The following PUDP variants were observed in gnomAD, a reference collection of about 807,000 sequenced individuals.
PUDP encodes the protein pseudouridine 5'-phosphatase.
A neutral mutation model predicts 9.4 loss-of-function variants in PUDP; 8 were observed. The ratio of observed to expected loss-of-function variants is 0.85; its 90% CI spans 0.50 to 1.53. The LOEUF (loss-of-function observed/expected upper bound fraction) is 1.53, where lower values mean the gene tolerates loss of function less well. Among genes scored for constraint, PUDP ranks in the 40% most tolerant of loss-of-function variants. The pLI is 0.00. For missense variants in PUDP, 188 were observed against 189.7 expected (o/e 0.99, Z 0.05); for synonymous variants, 99 against 80.7 (o/e 1.23, Z -1.22).
intron 1 of PUDP, among the ~76,000 whole-genome samples, chrX:6,985,949 G>C (rs753628831): frequency 2.6e-4 from 29 of 111,835 alleles, no homozygotes; most frequent in Non-Finnish European, 5.1e-4. Context: ...CCTTGCTGAT[G>C]CAACAGGTTG....
intron 2 of PUDP, among the ~76,000 whole-genome samples, chrX:7,078,904 G>T (rs1364620424): frequency 9.0e-6 from 1 of 111,712 alleles, no homozygotes; most frequent in Non-Finnish European, 1.9e-5. Context: ...TTACCATGCT[G>T]CAAAGAAGCA....
At chrX:6,752,075 G>C (rs1417575761) in intron 3 of PUDP, among the ~76,000 whole-genome samples, 1 of 111,052 alleles carries the variant, frequency 9.0e-6, no homozygotes. Flanking sequence ...GTTTCCCCAA[G>C]GGACCTCCCA....
chrX:6,924,179 T>C (rs1928066547), intron 3 of PUDP, among the ~76,000 whole-genome samples: 1 of 111,838 alleles, frequency 8.9e-6, no homozygotes. Context: ...CTATCTAACA[T>C]GCTGTATCTT....
At chrX:6,880,458 A>G (rs1482013948) in intron 3 of PUDP, among the ~76,000 whole-genome samples, 1 of 112,093 alleles carries the variant, frequency 8.9e-6, no homozygotes, top group East Asian at 2.8e-4. Context: ...TATCCAGCCC[A>G]GAATTTAAGA....
At chrX:6,785,703 C>T (rs1417337235) in intron 3 of PUDP, among the ~76,000 whole-genome samples, 1 of 111,161 alleles carries the variant, frequency 9.0e-6, no homozygotes, top group African/African-American at 3.3e-5. Context: ...GTATGGCAAA[C>T]ATATTATATA....
chrX:6,916,626 G>A (rs1927939186), intron 3 of PUDP, among the ~76,000 whole-genome samples: 1 of 111,341 alleles, frequency 9.0e-6, no homozygotes, highest in African/African-American at 3.3e-5. Flanking sequence ...CAGCTATCAT[G>A]GGACCGTAAG....
At chrX:7,124,197 T>C (rs1932419275) in intron 1 of PUDP, among the ~76,000 whole-genome samples, 1 of 111,922 alleles carries the variant, frequency 8.9e-6, no homozygotes. Flanking sequence ...ATTTTCCCAA[T>C]CAACAATGAA....
intron 3 of PUDP, among the ~76,000 whole-genome samples, chrX:6,935,052 C>T (rs1452998600): frequency 1.2e-5 from 1 of 86,466 alleles, no homozygotes; most frequent in African/African-American, 4.3e-5. Flanking sequence ...TAACACCCCA[C>T]TGTCAACATT....
chrX:6,722,034 G>A (rs1204768085), upstream of PUDP, among the ~76,000 whole-genome samples: 2 of 110,720 alleles, frequency 1.8e-5, no homozygotes, highest in Non-Finnish European at 3.8e-5. Context: ...GGTGTACAAC[G>A]GTGGGAAAGG....
At chrX:7,102,840 A>G in intron 2 of PUDP, among the ~76,000 whole-genome samples, 1 of 112,008 alleles carries the variant, frequency 8.9e-6, no homozygotes, top group Admixed American at 9.5e-5. Flanking sequence ...CATTTATAAT[A>G]GCATCAAAAG....
In PUDP at chrX:7,056,839, G is replaced by T. The variant is rs1012036018; in HGVS notation, c.511-6367C>A. ...AAGGGAAGTTCAGAGGCAAGCTGGA[G>T]GTCATGCAGTCAGGCGGAAGACAGA... On this transcript the variant is annotated intron_variant, in intron 3 of 3. Coordinates refer to ENST00000381077, the MANE Select transcript of PUDP (RefSeq NM_012080.5). 2.7e-5 allele frequency among the ~76,000 whole-genome samples: 3 copies of T among 112,294 alleles called. No homozygotes were observed. The Admixed American group carries it at 2.8e-4, about 11-fold the overall frequency.
chrX:6,812,296 T>C (rs1224823878), intron 3 of PUDP, among the ~76,000 whole-genome samples: 5 of 112,067 alleles, frequency 4.5e-5, no homozygotes, highest in Non-Finnish European at 9.4e-5. Flanking sequence ...GCAAAACTCA[T>C]CTTGCAAGGA....
At chrX:7,042,022 C>T (rs901064344) in intron 1 of PUDP, among the ~76,000 whole-genome samples, 54 of 108,267 alleles carry the variant, frequency 5.0e-4, no homozygotes, top group African/African-American at 1.8e-3. Flanking sequence ...TCCTTTTTGA[C>T]CTGTACAACA....
At chrX:7,011,656 G>A (rs1929478791) in intron 1 of PUDP, among the ~76,000 whole-genome samples, 1 of 112,022 alleles carries the variant, frequency 8.9e-6, no homozygotes, top group South Asian at 3.7e-4. Flanking sequence ...AAAGGTGTGG[G>A]GAGCAGGCAG....
intron 3 of PUDP, among the ~76,000 whole-genome samples, chrX:6,804,305 C>T (rs1926013177): frequency 8.9e-6 from 1 of 111,946 alleles, no homozygotes; most frequent in Non-Finnish European, 1.9e-5. Context: ...GCTGGAAGGA[C>T]TTTGGGAGCT....
chrX:7,005,396 G>C (rs1439644704), intron 1 of PUDP, among the ~76,000 whole-genome samples: 2 of 109,076 alleles, frequency 1.8e-5, no homozygotes, highest in African/African-American at 6.7e-5. Flanking sequence ...ATCAAAATTT[G>C]CCATATTATT....
intron 3 of PUDP, among the ~76,000 whole-genome samples, chrX:6,821,099 A>G (rs1430933458): frequency 9.1e-6 from 1 of 109,935 alleles, no homozygotes; most frequent in Non-Finnish European, 1.9e-5. Context: ...AACCCTGCCA[A>G]GGGTTGGAAC....
chrX:6,750,387 TTG>T (rs748692288), intron 3 of PUDP, among the ~76,000 whole-genome samples: 7 of 109,745 alleles, frequency 6.4e-5, no homozygotes, highest in Middle Eastern at 9.4e-3. Flanking sequence ...TTTGGATGAA[TTG>T]TGTGTGTGTG....
At chrX:6,920,193 T>C (rs1035543594) in intron 3 of PUDP, among the ~76,000 whole-genome samples, 1 of 110,479 alleles carries the variant, frequency 9.1e-6, no homozygotes, top group African/African-American at 3.3e-5. Flanking sequence ...AGCTCTAATA[T>C]TACCATATCC....
Sources: allele counts gnomAD v4.1 joint callset (sites outside exome capture counted in the v4.1 genomes callset), GRCh38; gene constraint gnomAD v4.1.1; transcripts MANE v1.5; gene names NCBI Gene and HGNC (gene_info 2026-07-23, HGNC 2026-07-21).